The following NHSL3 variants were observed in gnomAD, a reference collection of about 807,000 sequenced individuals.
NHSL3 encodes the protein NHS like 3.
At chr1:32,752,973 GT>G in the NHSL3 span, among the ~76,000 whole-genome samples, 982 of 92,810 alleles carry the variant, frequency 0.011, 33 homozygotes, top group Non-Finnish European at 0.015. Flanking sequence ...ATATATTTTG[GT>G]TTTTTTTTTT....
the NHSL3 span, among the ~76,000 whole-genome samples, chr1:32,761,073 G>T: frequency 3.6e-3 from 550 of 152,268 alleles, 6 homozygotes; most frequent in African/African-American, 0.012. Flanking sequence ...GATCCAGGAA[G>T]CCTCCTCCCC....
At chr1:32,758,741 C>T in the NHSL3 span, among the ~76,000 whole-genome samples, 3 of 152,104 alleles carry the variant, frequency 2.0e-5, no homozygotes, top group African/African-American at 7.2e-5. Flanking sequence ...CTCTCCAACC[C>T]CTGCCACATC....
the NHSL3 span, chr1:32,742,145 A>G: frequency 2.4e-6 from 3 of 1,243,992 alleles, no homozygotes; most frequent in Non-Finnish European, 2.0e-6. Flanking sequence ...CCCCGGGCCA[A>G]GAAGGCGGAG....
chr1:32,769,770 T>C, the NHSL3 span: 3 of 1,613,520 alleles, frequency 1.9e-6, no homozygotes, highest in African/African-American at 1.3e-5. Context: ...TCCCGCAGCA[T>C]GTGCAGAAGG....
At chr1:32,748,968 T>A in the NHSL3 span, among the ~76,000 whole-genome samples, 2 of 152,156 alleles carry the variant, frequency 1.3e-5, no homozygotes, top group African/African-American at 4.8e-5. Context: ...ATTTCACAGA[T>A]ATTTCCTAAG....
chr1:32,758,043 G>A, the NHSL3 span, among the ~76,000 whole-genome samples: 2 of 152,158 alleles, frequency 1.3e-5, no homozygotes, highest in Non-Finnish European at 2.9e-5. Flanking sequence ...AGGAAGCGTT[G>A]ATCCCGCAGA....
the NHSL3 span, chr1:32,771,187 T>C: frequency 4.4e-6 from 7 of 1,603,660 alleles, no homozygotes; most frequent in East Asian, 1.4e-4. Context: ...GCCTGCCCCC[T>C]TCTCCCCACC....
chr1:32,742,477 A>T, the NHSL3 span, among the ~76,000 whole-genome samples: 20 of 152,216 alleles, frequency 1.3e-4, no homozygotes, highest in African/African-American at 4.8e-4. Context: ...CGGTGAGGCG[A>T]TTCCCCCTCC....
chr1:32,770,834 C>T, the NHSL3 span: 2 of 1,605,430 alleles, frequency 1.2e-6, no homozygotes, highest in Non-Finnish European at 1.7e-6. This position sits in a 1 kb window ranked among gnomAD's most constrained non-coding sequence, Gnocchi z 8.3. Flanking sequence ...CCCTGTCCAC[C>T]CAACCCAGCC....
At chr1:32,745,902 C>T in the NHSL3 span, among the ~76,000 whole-genome samples, 1 of 152,018 alleles carries the variant, frequency 6.6e-6, no homozygotes, top group South Asian at 2.1e-4. Context: ...AGAGTCTCAC[C>T]TTTGTCCCAC....
At chr1:32,741,884 G>C in the NHSL3 span, 1 of 171,428 alleles carries the variant, frequency 5.8e-6, no homozygotes, top group Non-Finnish European at 1.1e-5. This position sits in a 1 kb window ranked among gnomAD's most constrained non-coding sequence, Gnocchi z 4.3. Context: ...GCGCGTCCCC[G>C]GCGGCCGCCC....
the NHSL3 span, chr1:32,770,454 T>C: frequency 7.5e-6 from 12 of 1,604,456 alleles, no homozygotes; most frequent in South Asian, 1.3e-4. This position sits in a 1 kb window ranked among gnomAD's most constrained non-coding sequence, Gnocchi z 8.3. Flanking sequence ...CCGACACCAT[T>C]GTGTCTGACG....
chr1:32,746,156 G>A, the NHSL3 span, among the ~76,000 whole-genome samples: 2,709 of 150,268 alleles, frequency 0.018, 37 homozygotes, highest in Middle Eastern at 0.041. Flanking sequence ...GAGTGAACCC[G>A]GGAGGCGGAG....
At chr1:32,772,505 C>T in the NHSL3 span, 1 of 1,497,790 alleles carries the variant, frequency 6.7e-7, no homozygotes, top group African/African-American at 1.4e-5. Context: ...ATCTGAAGTC[C>T]CGCCATGGGG....
At chr1:32,741,990 C>G in the NHSL3 span, 3 of 1,192,090 alleles carry the variant, frequency 2.5e-6, no homozygotes, top group South Asian at 4.1e-5. The surrounding 1 kb of genome is among the most constrained non-coding windows in gnomAD (Gnocchi z 4.3). Flanking sequence ...CACCTGCGGC[C>G]GAGGAGCCGG....
At chr1:32,764,164 T>G in the NHSL3 span, among the ~76,000 whole-genome samples, 5 of 152,090 alleles carry the variant, frequency 3.3e-5, no homozygotes, top group African/African-American at 1.2e-4. Context: ...CCCAGCCTAT[T>G]CTTTTCTTAG....
Sources: gnomAD v4.1 joint callset for allele counts (sites outside exome capture counted in the v4.1 genomes callset) on GRCh38, gnomAD v4.1.1 for gene constraint, Gnocchi (gnomAD v3.1) non-coding constraint, MANE v1.5 for transcripts, NCBI Gene and HGNC (gene_info 2026-07-23, HGNC 2026-07-21) for gene names.